The following SGCD variants were observed in gnomAD, a reference collection of about 807,000 sequenced individuals.
SGCD encodes sarcoglycan delta.
In SGCD, 18 loss-of-function variants were observed where a neutral mutation model predicts 36.6. The observed-to-expected ratio is 0.49, with a 90% CI of 0.34 to 0.73. SGCD has a LOEUF of 0.73. Among genes scored for constraint, SGCD ranks in the 30% least tolerant of loss-of-function variants. SGCD has a pLI of 0.01. For missense variants in SGCD, 387 were observed against 346.7 expected, an observed-to-expected ratio of 1.12 and a Z score of -0.92; for synonymous variants, 133 against 130.6, an observed-to-expected ratio of 1.02 and a Z score of -0.12.
intron 6 of SGCD, among the ~76,000 whole-genome samples, chr5:156,624,397 C>G (rs1345849183): frequency 6.6e-6 from 1 of 152,184 alleles, no homozygotes; most frequent in Admixed American, 6.5e-5. Flanking sequence ...CTGACTAACA[C>G]GGTGAAAACT....
At chr5:155,972,508 C>T (rs758020151) in intron 1 of SGCD, among the ~76,000 whole-genome samples, 8 of 152,070 alleles carry the variant, frequency 5.3e-5, no homozygotes, top group Admixed American at 1.3e-4. Context: ...TGTAGTCAAA[C>T]CTTTAATAAT....
At chr5:156,526,611 A>G (rs1236447109) in intron 4 of SGCD, among the ~76,000 whole-genome samples, 1 of 152,126 alleles carries the variant, frequency 6.6e-6, no homozygotes, top group Non-Finnish European at 1.5e-5. Context: ...CACATAAATT[A>G]TGGATATTAT....
chr5:156,674,520 C>T (rs1753431981), intron 7 of SGCD, among the ~76,000 whole-genome samples: 1 of 152,150 alleles, frequency 6.6e-6, no homozygotes, highest in Admixed American at 6.6e-5. Context: ...TAAACGATCT[C>T]CCATAGTCAC....
At chr5:155,861,310 A>G in the SGCD span, among the ~76,000 whole-genome samples, 2 of 152,132 alleles carry the variant, frequency 1.3e-5, no homozygotes, top group Non-Finnish European at 2.9e-5. Context: ...TCACTATATT[A>G]TTATTGCACA....
chr5:155,729,090 G>A, the SGCD span, among the ~76,000 whole-genome samples: 2 of 152,250 alleles, frequency 1.3e-5, no homozygotes, highest in African/African-American at 4.8e-5. Context: ...CGCTTAATCT[G>A]GCATTGGCAG....
chr5:156,254,310 G>T (rs1278064647), intron 3 of SGCD, among the ~76,000 whole-genome samples: 3 of 152,118 alleles, frequency 2.0e-5, no homozygotes, highest in African/African-American at 7.2e-5. Flanking sequence ...TGCCATGTTG[G>T]TGTGCTGCAC....
intron 1 of SGCD, among the ~76,000 whole-genome samples, chr5:156,112,387 G>C (rs1464882386): frequency 1.3e-5 from 2 of 152,170 alleles, no homozygotes; most frequent in East Asian, 3.9e-4. Context: ...AGCCACCTAA[G>C]TCACATTTAT....
chr5:156,351,644 C>A (rs1180628131), intron 3 of SGCD, among the ~76,000 whole-genome samples: 2 of 146,106 alleles, frequency 1.4e-5, no homozygotes, highest in Non-Finnish European at 3.0e-5. Context: ...TCATCATCAT[C>A]ATTTACTGCA....
In SGCD at chr5:156,194,042, T is replaced by C. The variant is rs527747175; in HGVS notation, c.-44+70023T>C. ...GCATTTTAAAATTTAAATTTTTAAATAAACTCTGTCATTAGAAGTAAATTA... is the reference window on the plus strand; with the variant it reads ...GCATTTTAAAATTTAAATTTTTAAACAAACTCTGTCATTAGAAGTAAATTA... On this transcript the variant is annotated intron_variant, in intron 3 of 9. Coordinates refer to the SGCD transcript ENST00000517913. 2.6e-5 allele frequency among the ~76,000 whole-genome samples: 4 copies of C among 152,334 alleles called. No individual in the cohort carries two copies. In the South Asian group the frequency reaches 8.3e-4, roughly 32 times the overall value.
the SGCD span, among the ~76,000 whole-genome samples, chr5:155,795,267 A>G: frequency 6.6e-6 from 1 of 152,182 alleles, no homozygotes; most frequent in Non-Finnish European, 1.5e-5. Context: ...TATTGACTGT[A>G]CAAAGCAATG....
chr5:156,096,830 T>G (rs781289358), intron 1 of SGCD, among the ~76,000 whole-genome samples: 78 of 152,216 alleles, frequency 5.1e-4, no homozygotes, highest in Non-Finnish European at 8.8e-4. Flanking sequence ...CCAAGATTCT[T>G]TTATTCTTTC....
intron 1 of SGCD, among the ~76,000 whole-genome samples, chr5:155,878,120 G>C (rs967024999): frequency 6.6e-6 from 1 of 151,890 alleles, no homozygotes; most frequent in Admixed American, 6.6e-5. Context: ...TAAATTTGAG[G>C]GTGGAAGTAT....
At chr5:156,011,827 A>G (rs1758867255) in intron 1 of SGCD, among the ~76,000 whole-genome samples, 1 of 152,200 alleles carries the variant, frequency 6.6e-6, no homozygotes, top group Non-Finnish European at 1.5e-5. Flanking sequence ...CACCAGGCAG[A>G]TGGATGCTTT....
intron 1 of SGCD, among the ~76,000 whole-genome samples, chr5:156,048,725 G>A (rs1399151567): frequency 6.6e-6 from 1 of 151,938 alleles, no homozygotes; most frequent in Non-Finnish European, 1.5e-5. Context: ...CTGGATATTA[G>A]CCTTTATCAG....
intron 3 of SGCD, among the ~76,000 whole-genome samples, chr5:156,319,108 A>G (rs1561617233): frequency 2.0e-5 from 3 of 152,118 alleles, no homozygotes; most frequent in South Asian, 2.1e-4. Context: ...CTTTGTATCT[A>G]TTACATCAGC....
chr5:155,839,579 A>T, the SGCD span, among the ~76,000 whole-genome samples: 1 of 152,306 alleles, frequency 6.6e-6, no homozygotes, highest in Non-Finnish European at 1.5e-5. Context: ...CATTTTTGTC[A>T]TTTTAAAATG....
At chr5:155,992,864 C>T (rs1758461695) in intron 1 of SGCD, among the ~76,000 whole-genome samples, 1 of 152,114 alleles carries the variant, frequency 6.6e-6, no homozygotes, top group African/African-American at 2.4e-5. Context: ...ACCTCTGGGA[C>T]CTTGTTGATG....
intron 3 of SGCD, among the ~76,000 whole-genome samples, chr5:156,243,432 A>AT (rs1184639024): frequency 6.6e-6 from 1 of 152,174 alleles, no homozygotes; most frequent in Non-Finnish European, 1.5e-5. Context: ...GAAGAACCAG[A>AT]TTTTTTTTAA....
At chr5:156,194,960 GTGA>G (rs1257818414) in intron 3 of SGCD, among the ~76,000 whole-genome samples, 2 of 152,022 alleles carry the variant, frequency 1.3e-5, no homozygotes, top group African/African-American at 2.4e-5. Flanking sequence ...TGTGGCATTG[GTGA>G]TGATGATGAT....
Sources: gnomAD v4.1 joint callset for allele counts (sites outside exome capture counted in the v4.1 genomes callset) on GRCh38, gnomAD v4.1.1 for gene constraint, MANE v1.5 for transcripts, NCBI Gene and HGNC (gene_info 2026-07-23, HGNC 2026-07-21) for gene names.